CNTLN: variants seen among roughly 807,000 people sequenced by gnomAD.
CNTLN encodes centlein.
CNTLN carries 212 observed loss-of-function variants against 180.0 expected under a neutral mutation model. The observed-to-expected ratio is 1.18, with a 90% CI of 1.05 to 1.32. The LOEUF (loss-of-function observed/expected upper bound fraction) is 1.32, where lower values mean the gene tolerates loss of function less well. Ranked by LOEUF, CNTLN falls within the 40% of genes most tolerant of loss-of-function variation. The pLI, the probability that CNTLN is intolerant of heterozygous loss-of-function variation, is 0.00. For missense variants in CNTLN, 2,095 were observed against 1,610.9 expected (o/e 1.30, Z -5.14); for synonymous variants, 722 against 563.1 (o/e 1.28, Z -3.99).
At chr9:17,491,986 T>C (rs2134363204) in intron 25 of CNTLN, among the ~76,000 whole-genome samples, 1 of 150,956 alleles carries the variant, frequency 6.6e-6, no homozygotes, top group African/African-American at 2.5e-5. Context: ...TGTGTTGCAC[T>C]TATAACAAAT....
intron 18 of CNTLN, among the ~76,000 whole-genome samples, chr9:17,446,859 T>C (rs994871430): frequency 6.6e-6 from 1 of 152,186 alleles, no homozygotes; most frequent in African/African-American, 2.4e-5. Context: ...AATAAAAGTA[T>C]TGAAATCTGA....
At chr9:17,224,414 A>G (rs1824332637) in intron 2 of CNTLN, among the ~76,000 whole-genome samples, 1 of 152,054 alleles carries the variant, frequency 6.6e-6, no homozygotes, top group Admixed American at 6.6e-5. Context: ...ATTTAATTCT[A>G]AAATATTCCC....
intron 8 of CNTLN, among the ~76,000 whole-genome samples, chr9:17,318,360 A>G (rs1819676393): frequency 6.6e-6 from 1 of 152,078 alleles, no homozygotes; most frequent in South Asian, 2.1e-4. Context: ...ATCACTCTGG[A>G]TGCATTGCAG....
chr9:17,325,251 T>C (rs1173575647), intron 8 of CNTLN, among the ~76,000 whole-genome samples: 5 of 149,154 alleles, frequency 3.4e-5, no homozygotes, highest in African/African-American at 1.2e-4. Context: ...ATGATTCAGC[T>C]AACAATGTTT....
At chr9:17,389,805 G>A (rs1825957547) in intron 14 of CNTLN, among the ~76,000 whole-genome samples, 1 of 152,032 alleles carries the variant, frequency 6.6e-6, no homozygotes, top group Non-Finnish European at 1.5e-5. Flanking sequence ...ATTGTGTCCT[G>A]TCCCCCACAT....
At chr9:17,311,134 C>G (rs1819104187) in intron 8 of CNTLN, among the ~76,000 whole-genome samples, 3 of 151,944 alleles carry the variant, frequency 2.0e-5, no homozygotes, top group Non-Finnish European at 4.4e-5. Flanking sequence ...AAGCAATTCT[C>G]CTGCCTCAGC....
At chr9:17,263,842 T>G (rs1827196165) in intron 5 of CNTLN, among the ~76,000 whole-genome samples, 1 of 143,132 alleles carries the variant, frequency 7.0e-6, no homozygotes, top group Non-Finnish European at 1.5e-5. Context: ...AAATGTCTTC[T>G]TTTGAGAAGT....
chr9:17,151,970 G>C (rs1400930126), intron 2 of CNTLN, among the ~76,000 whole-genome samples: 2 of 152,184 alleles, frequency 1.3e-5, no homozygotes, highest in African/African-American at 4.8e-5. Context: ...AGTATTCTCT[G>C]ATGGTAGTCT....
chr9:17,145,828 A>C (rs1818418520), intron 2 of CNTLN, among the ~76,000 whole-genome samples: 1 of 152,088 alleles, frequency 6.6e-6, no homozygotes. Flanking sequence ...TTTTTTTCTC[A>C]GAAAGGATGG....
chr9:17,143,289 C>T lies in CNTLN; in HGVS notation c.362C>T (p.Ala121Val), dbSNP rs757313815. ...TAAATTCTCTTTTATTTCTTTAAGG[C>T]TGATAAAGAATTTGTATGGTCTTTG... ...SLKEELALCQ[A>V]DKEFVWSLWK... is the part of the protein sequence containing the mutation. Residue 121 changes from alanine to valine, a missense_variant and splice_region_variant, in exon 2 of 26, where the codon GCT (alanine) becomes GTT (valine). By Grantham distance (64) the Ala-to-Val change is moderately conservative. Transcript: ENST00000380647. 2 of 1,607,392 alleles carry T rather than the reference C, an allele frequency of 1.2e-6. No individual in the cohort carries two copies. Among genetic ancestry groups the T allele is most frequent in the South Asian group, 2.2e-5 (2 of 90,504 alleles).
At chr9:17,221,099 C>G (rs1165547497) in intron 2 of CNTLN, among the ~76,000 whole-genome samples, 2 of 152,012 alleles carry the variant, frequency 1.3e-5, no homozygotes, top group East Asian at 3.9e-4. Flanking sequence ...CTATAATGCC[C>G]TAACTTTTGG....
At chr9:17,374,402 A>G (rs1824582036) in intron 13 of CNTLN, among the ~76,000 whole-genome samples, 1 of 152,218 alleles carries the variant, frequency 6.6e-6, no homozygotes, top group Non-Finnish European at 1.5e-5. Context: ...ACAAATCAAA[A>G]CTAAAATGAA....
intron 6 of CNTLN, among the ~76,000 whole-genome samples, chr9:17,291,648 C>G (rs140592260): frequency 6.6e-6 from 1 of 151,990 alleles, no homozygotes; most frequent in Admixed American, 6.6e-5. Context: ...TTCTGCTTTC[C>G]ATTTGCTTGG....
In CNTLN at chr9:17,249,345, G is replaced by GTTTTTTTTTTTTTT. The variant is rs558059269; in HGVS notation, c.849+12765_849+12766insTTTTTTTTTTTTTT. 7.4e-4 allele frequency among the ~76,000 whole-genome samples: 93 copies of GTTTTTTTTTTTTTT among 124,922 alleles called. 5 individuals are homozygous for GTTTTTTTTTTTTTT. The highest frequency in any genetic ancestry group is 9.5e-4 in the Non-Finnish European group (59 of 62,170). The allele number at this position is 124,922 out of a possible 152,430, so 82.0% of individuals were successfully genotyped here. ...TCTTTGATCCATTGGTTCTTTGATT[G>GTTTTTTTTTTTTTT]TTTTTTTTGTTTTTTTTTTTTGAGC... On this transcript the variant is annotated intron_variant, in intron 5 of 25. Transcript: ENST00000380647.
At chr9:17,301,985 A>C in intron 7 of CNTLN, 1 of 971,354 alleles carries the variant, frequency 1.0e-6, no homozygotes, top group Non-Finnish European at 1.2e-6. Context: ...ACTGTTGGTT[A>C]TATATGTTAT....
In CNTLN at chr9:17,135,259, G is replaced by T; in HGVS notation, c.194G>T (p.Gly65Val). 6.2e-7 allele frequency: 1 copy of T among 1,603,656 alleles called. No individual in the cohort carries two copies. Among genetic ancestry groups the T allele is most frequent in the South Asian group, 1.1e-5 (1 of 88,892 alleles). ...TGGGTGGGTGAAGAAGGGTCAGGGG[G>T]CCGGCGAGGGCCTGGGGGGGCAGCT... Reference protein sequence around the residue: ...KIWVGEEGSGGRRGPGGAAPA... With the variant: ...KIWVGEEGSGVRRGPGGAAPA... The change falls in exon 1 of 26, where the codon GGC (glycine) becomes GTC (valine). Residue 65 changes from glycine to valine, a missense_variant. By Grantham distance (109) the Gly-to-Val change is moderately radical. Coordinates refer to ENST00000380647, the MANE Select transcript of CNTLN (RefSeq NM_017738.4).
At chr9:17,367,787 G>A (rs928240314) in intron 13 of CNTLN, among the ~76,000 whole-genome samples, 4 of 151,972 alleles carry the variant, frequency 2.6e-5, no homozygotes, top group Admixed American at 6.6e-5. Context: ...ATGCAGTCCC[G>A]GCAGGATCTA....
intron 1 of CNTLN, among the ~76,000 whole-genome samples, chr9:17,139,652 T>G (rs1817951964): frequency 6.6e-6 from 1 of 151,850 alleles, no homozygotes; most frequent in South Asian, 2.1e-4. Context: ...AGAGTGAGAC[T>G]TTGTCTCAAA....
At chr9:17,416,936 G>T (rs1828299662) in intron 18 of CNTLN, among the ~76,000 whole-genome samples, 2 of 151,982 alleles carry the variant, frequency 1.3e-5, no homozygotes, top group South Asian at 4.1e-4. Context: ...ATAATTTTAA[G>T]TTACACTTAA....
Sources: allele counts gnomAD v4.1 joint callset (sites outside exome capture counted in the v4.1 genomes callset), GRCh38; gene constraint gnomAD v4.1.1; transcripts MANE v1.5; gene names NCBI Gene and HGNC (gene_info 2026-07-23, HGNC 2026-07-21).